The following MPRIP variants were observed in gnomAD, a reference collection of about 807,000 sequenced individuals.
MPRIP encodes the protein myosin phosphatase Rho-interacting protein.
In MPRIP, 59 loss-of-function variants were observed where a neutral mutation model predicts 234.9. That is an observed-to-expected ratio of 0.25 (90% CI 0.20 to 0.31). MPRIP has a LOEUF of 0.31. Ranked by LOEUF, MPRIP falls within the 10% of genes least tolerant of loss-of-function variation. The pLI is 1.00. For missense variants in MPRIP, 2,436 were observed against 3,071.0 expected (o/e 0.79, Z 4.89); for synonymous variants, 1,144 against 1,263.9 (o/e 0.91, Z 2.01).
At chr17:17,052,776 C>T (rs2143857344) in intron 1 of MPRIP, among the ~76,000 whole-genome samples, 1 of 152,220 alleles carries the variant, frequency 6.6e-6, no homozygotes, top group African/African-American at 2.4e-5. Context: ...AGCAGCCACA[C>T]CTTTGGCACA....
At chr17:17,075,659 CTCT>C in intron 1 of MPRIP, 48 bp from the exon 2 acceptor site, 1 of 1,512,202 alleles carries the variant, frequency 6.6e-7, no homozygotes, top group Non-Finnish European at 9.2e-7. Context: ...GACCTGTTCT[CTCT>C]TCTGGGTTGA....
chr17:17,133,239 C>T (rs1228702716), intron 5 of MPRIP, among the ~76,000 whole-genome samples: 1 of 152,230 alleles, frequency 6.6e-6, no homozygotes, highest in Non-Finnish European at 1.5e-5. Flanking sequence ...ACTCAGGCCC[C>T]TCCTAAGACA....
rs753458151 is a variant in MPRIP at position 17,158,388 on chromosome 17, C to G, written c.1830-44C>G. 3.3e-6 allele frequency: 5 copies of G among 1,502,904 alleles called. No individual in the cohort carries two copies. The Admixed American group carries it at 9.0e-5, about 27-fold the overall frequency. The allele number at this position is 1,502,904 out of a possible 1,614,324, so 93.1% of individuals were successfully genotyped here. ...CCAGCTTCTGCCTGGCAGGCCACAC[C>G]AGAGCCGCCCCTGACAGGCTATGTC... On this transcript the variant is annotated intron_variant, in intron 13 of 23. Coordinates refer to ENST00000651222, the MANE Select transcript of MPRIP (RefSeq NM_001364716.4).
chr17:17,049,886 C>T (rs769459330), intron 1 of MPRIP, among the ~76,000 whole-genome samples: 11 of 152,128 alleles, frequency 7.2e-5, no homozygotes, highest in Non-Finnish European at 1.2e-4. Flanking sequence ...CCAGCGGCTA[C>T]GTTAAAAAAG....
intron 3 of MPRIP, among the ~76,000 whole-genome samples, chr17:17,101,884 A>G (rs1875412352): frequency 6.6e-6 from 1 of 152,120 alleles, no homozygotes; most frequent in Non-Finnish European, 1.5e-5. Context: ...CCTTGGCTCT[A>G]CATCCTGATG....
At position 17,049,746 on chromosome 17, in the gene MPRIP, A is replaced by G. The variant is rs566147905; in HGVS notation, c.123+6775A>G. Reference sequence around the variant, plus strand: ...ATAGCCACTTAAAAATGTAAAAGCCATTCTTGGTTTTGGGGTCTTAGAAAA... The same window carrying G: ...ATAGCCACTTAAAAATGTAAAAGCCGTTCTTGGTTTTGGGGTCTTAGAAAA... On this transcript the variant is annotated intron_variant, in intron 1 of 23. Coordinates refer to ENST00000651222, the MANE Select transcript of MPRIP (RefSeq NM_001364716.4). 7.2e-5 allele frequency among the ~76,000 whole-genome samples: 11 copies of G among 152,366 alleles called. No individual in the cohort carries two copies. The South Asian group carries it at 2.1e-3, about 29-fold the overall frequency.
chr17:17,116,850 T>C (rs2090295198), intron 3 of MPRIP, among the ~76,000 whole-genome samples: 1 of 152,236 alleles, frequency 6.6e-6, no homozygotes, highest in Admixed American at 6.5e-5. Context: ...GAAACCAGCC[T>C]CTGGTGCTCC....
chr17:17,070,918 C>T (rs1347670208), intron 1 of MPRIP, among the ~76,000 whole-genome samples: 1 of 152,224 alleles, frequency 6.6e-6, no homozygotes, highest in Non-Finnish European at 1.5e-5. Context: ...GGAAGGGAGT[C>T]ACCATGACCA....
chr17:17,167,196 T>G lies in MPRIP; in HGVS notation c.5605T>G (p.Ser1869Ala), dbSNP rs771960766. The change falls in exon 16 of 24, where the codon TCC becomes GCC. Residue 1869 changes from serine (S) to alanine (A), a missense_variant. By Grantham distance (99) the Ser-to-Ala change is moderately conservative. Around this residue, in one of 4 missense-constraint regions of MPRIP, gnomAD observed 1,998 missense variants for 2,520.3 expected, o/e 0.79. Transcript: ENST00000651222. This position sits in a 1 kb window ranked among gnomAD's most constrained non-coding sequence, Gnocchi z 5.9. ...GAAGGAGCTCCAGCTCTGCAAGGAG[T>G]CCTGGCAAACCCGGGAGCCCTCCTG... ...YEKELQLCKE[S>A]WQTREPSCSE... 2.3e-6 allele frequency: 3 copies of G among 1,303,652 alleles called. No homozygotes were observed. The South Asian group carries it at 3.7e-5, about 16-fold the overall frequency. 80.8% of individuals were successfully genotyped at this position (1,303,652 alleles called of 1,614,324 possible).
At chr17:17,112,485 T>A (rs1342878299) in intron 3 of MPRIP, among the ~76,000 whole-genome samples, 3 of 152,170 alleles carry the variant, frequency 2.0e-5, no homozygotes, top group Admixed American at 2.0e-4. Context: ...GTTAAAGGAT[T>A]TGGGGGATGG....
chr17:17,105,577 T>TGGCCACTGAGTCA (rs1357949803), intron 3 of MPRIP, among the ~76,000 whole-genome samples: 27 of 152,300 alleles, frequency 1.8e-4, no homozygotes, highest in Non-Finnish European at 3.2e-4. Flanking sequence ...ATGGGTCCCT[T>TGGCCACTGAGTCA]GGCCACTGAG....
rs529671200 is a variant in MPRIP at position 17,127,624 on chromosome 17, A to G, written c.419+771A>G. 5.9e-5 allele frequency among the ~76,000 whole-genome samples: 9 copies of G among 152,356 alleles called. No individual in the cohort carries two copies. The South Asian group carries it at 1.2e-3, about 21-fold the overall frequency. The stretch of plus-strand genomic sequence containing the variant: ...TCATTGGGCCTGACAGGAGCTCACA[A>G]ACTGGATCTCCGAGAATCCCTGTCT... On this transcript the variant is annotated intron_variant, in intron 4 of 23. Coordinates refer to ENST00000651222, the MANE Select transcript of MPRIP (RefSeq NM_001364716.4).
At chr17:17,123,537 A>G (rs907121672) in intron 3 of MPRIP, among the ~76,000 whole-genome samples, 3 of 151,582 alleles carry the variant, frequency 2.0e-5, no homozygotes, top group African/African-American at 7.3e-5. Flanking sequence ...CAAAAATATA[A>G]TACTAAAAAT....
chr17:17,154,370 CCAT>C lies in MPRIP; in HGVS notation c.1788_1790del (p.Ile596del). On this transcript the variant is annotated inframe_deletion, in exon 13 of 24. Coordinates refer to ENST00000651222, the MANE Select transcript of MPRIP (RefSeq NM_001364716.4). ...GGGATTCGGCGGAACTGGATCCAGA[CCAT>C]CATGAAGCACGTGCACCCGACCACT... 1.2e-6 allele frequency: 2 copies of C among 1,614,174 alleles called. No homozygotes were observed. Among genetic ancestry groups the C allele is most frequent in the East Asian group, 2.2e-5 (1 of 44,874 alleles).
chr17:17,167,569 A>G lies in MPRIP; in HGVS notation c.5978A>G (p.Glu1993Gly), dbSNP rs2046030832. The G allele has an allele frequency of 7.7e-7, 1 of 1,304,118 alleles. No homozygotes were observed. Among genetic ancestry groups the G allele is most frequent in the South Asian group, 1.2e-5 (1 of 81,032 alleles). The allele number at this position is 1,304,118 out of a possible 1,614,324, so 80.8% of individuals were successfully genotyped here. ...CAGGACATGGAGAGGCATCATGGTG[A>G]GCAGATACAGACCCTGGAGGACAGG... ...DRQDMERHHG[E>G]QIQTLEDRFQ... Residue 1993 changes from glutamate (E) to glycine (G), a missense_variant, in exon 16 of 24, where the codon GAG (glutamate) becomes GGG (glycine). Coordinates refer to ENST00000651222, the MANE Select transcript of MPRIP (RefSeq NM_001364716.4). This position sits in a 1 kb window ranked among gnomAD's most constrained non-coding sequence, Gnocchi z 5.9.
At chr17:17,079,469 T>C (rs1386103665) in intron 3 of MPRIP, among the ~76,000 whole-genome samples, 1 of 152,192 alleles carries the variant, frequency 6.6e-6, no homozygotes, top group Non-Finnish European at 1.5e-5. Context: ...CCTGGAGGAT[T>C]AGACTTCACA....
At chr17:17,114,185 T>C (rs954896025) in intron 3 of MPRIP, among the ~76,000 whole-genome samples, 1 of 152,248 alleles carries the variant, frequency 6.6e-6, no homozygotes, top group African/African-American at 2.4e-5. Context: ...TTCTAATGAC[T>C]AATGACGTCA....
intron 13 of MPRIP, among the ~76,000 whole-genome samples, chr17:17,155,188 T>C (rs1392387515): frequency 2.0e-5 from 3 of 152,068 alleles, no homozygotes; most frequent in Non-Finnish European, 4.4e-5. Flanking sequence ...TGCTGTGGGT[T>C]AGGCTGCTTG....
intron 5 of MPRIP, among the ~76,000 whole-genome samples, chr17:17,133,098 A>C (rs1363599034): frequency 6.6e-6 from 1 of 152,108 alleles, no homozygotes; most frequent in African/African-American, 2.4e-5. Context: ...CCAGCTCCCC[A>C]AAACAGCTAC....
Sources: gnomAD v4.1 joint callset for allele counts (sites outside exome capture counted in the v4.1 genomes callset) on GRCh38, gnomAD v4.1.1 for gene constraint, gnomAD v4.1.1 regional missense constraint, Gnocchi (gnomAD v3.1) non-coding constraint, MANE v1.5 for transcripts, NCBI Gene and HGNC (gene_info 2026-07-23, HGNC 2026-07-21) for gene names.